The following PRKX variants were observed in gnomAD, a reference collection of about 807,000 sequenced individuals.
The protein encoded by PRKX is cAMP-dependent protein kinase catalytic subunit PRKX.
A neutral mutation model predicts 22.0 loss-of-function variants in PRKX; 12 were observed. That is an observed-to-expected ratio of 0.54 (90% confidence interval 0.35 to 0.88). The LOEUF (loss-of-function observed/expected upper bound fraction) is 0.88. Ranked by LOEUF, PRKX falls within the 40% of genes least tolerant of loss-of-function variation. The pLI is 0.01. For missense variants in PRKX, 217 were observed against 308.0 expected (o/e 0.70, Z 2.21); for synonymous variants, 134 against 137.7 (o/e 0.97, Z 0.19).
intron 5 of PRKX, among the ~76,000 whole-genome samples, chrX:3,624,826 TCCAGGCTGGCCTCAAACTATTGGATTGG>T (rs1430883212): frequency 3.6e-5 from 4 of 110,309 alleles, no homozygotes; most frequent in Non-Finnish European, 5.7e-5. Context: ...TGCTACATTG[TCCAGGCTGGCCTCAAACTATTGGATTGG>T]CCCCAAGCAA....
chrX:3,702,700 T>C (rs1422110250), intron 1 of PRKX, among the ~76,000 whole-genome samples: 3 of 98,379 alleles, frequency 3.0e-5, no homozygotes, highest in Non-Finnish European at 6.1e-5. Context: ...TTTCTTTTTT[T>C]TTTTTTTAAT....
intron 1 of PRKX, among the ~76,000 whole-genome samples, chrX:3,680,130 C>CTGT (rs34465309): frequency 0.03 from 3,197 of 107,895 alleles, 131 homozygotes; most frequent in African/African-American, 0.089. Flanking sequence ...ACATCCTGGC[C>CTGT]TGTTGTTGTT....
At chrX:3,699,579 C>G (rs1603474818) in intron 1 of PRKX, among the ~76,000 whole-genome samples, 1 of 111,569 alleles carries the variant, frequency 9.0e-6, no homozygotes, top group South Asian at 3.7e-4. Context: ...GTCTCAAACT[C>G]CTGACCTCAG....
Position 3,644,351 on chromosome X carries a change from T to C in PRKX, c.600-2380A>G, listed in dbSNP as rs61313693. Among the ~76,000 whole-genome samples the C allele has an allele frequency of 1.8e-4, 16 of 87,011 alleles. No homozygotes were observed. The East Asian group carries it at 5.2e-3, about 28-fold the overall frequency. The allele number at this position is 87,011 out of a possible 115,157, so 75.6% of individuals were successfully genotyped here. On this transcript the variant is annotated intron_variant, in intron 3 of 8. Coordinates refer to ENST00000262848, the MANE Select transcript of PRKX (RefSeq NM_005044.5). ...CAGGAGGTCAACACTGCAGGGAGCA[T>C]GATAGTGTCACTGTACTCCAGCCTG... is the stretch of plus-strand genomic sequence containing the variant.
chrX:3,646,264 C>T (rs1162723942), intron 3 of PRKX, among the ~76,000 whole-genome samples: 1 of 110,404 alleles, frequency 9.1e-6, no homozygotes, highest in East Asian at 2.8e-4. Flanking sequence ...TGCACTCCAG[C>T]CTGGGCAACA....
At chrX:3,610,796 G>C (rs1156690039) in intron 8 of PRKX, among the ~76,000 whole-genome samples, 2 of 111,172 alleles carry the variant, frequency 1.8e-5, no homozygotes, top group Non-Finnish European at 3.8e-5. Flanking sequence ...TTATCAACTA[G>C]GGGTCCTTCA....
chrX:3,668,737 A>G (rs1927787043), intron 2 of PRKX, among the ~76,000 whole-genome samples: 1 of 112,311 alleles, frequency 8.9e-6, no homozygotes, highest in East Asian at 2.8e-4. Flanking sequence ...CTGCTGTGCC[A>G]TAGATAATAT....
At chrX:3,614,240 G>A (rs1926371437) in intron 7 of PRKX, among the ~76,000 whole-genome samples, 1 of 112,577 alleles carries the variant, frequency 8.9e-6, no homozygotes, top group Admixed American at 9.4e-5. Flanking sequence ...GCTCATGCCT[G>A]TAATCCCAGC....
rs758310553 is a variant in PRKX at position 3,671,236 on chromosome X, A to G, written c.335+3362T>C. On this transcript the variant is annotated intron_variant, in intron 2 of 8. Transcript: ENST00000262848. Reference sequence around the variant, plus strand: ...TTTTTAGTAGAGACAGGGTTTCCCCATATTGGCCAGGCTAGAATTTTCTTT... The same window carrying G: ...TTTTTAGTAGAGACAGGGTTTCCCCGTATTGGCCAGGCTAGAATTTTCTTT... Among the ~76,000 whole-genome samples, 14 of 110,386 alleles carry G rather than the reference A, an allele frequency of 1.3e-4. No individual in the cohort carries two copies. In the East Asian group the frequency reaches 4.0e-3, roughly 32 times the overall value.
At chrX:3,645,853 C>A (rs1447513393) in intron 3 of PRKX, among the ~76,000 whole-genome samples, 1 of 112,301 alleles carries the variant, frequency 8.9e-6, no homozygotes, top group Non-Finnish European at 1.9e-5. Context: ...AGGATTGCTT[C>A]AGCCCAGGCA....
chrX:3,709,845 G>A (rs751301747), intron 1 of PRKX, among the ~76,000 whole-genome samples: 2 of 110,249 alleles, frequency 1.8e-5, no homozygotes, highest in Non-Finnish European at 3.8e-5. Context: ...CTGGAGTACG[G>A]TGGCGCGATT....
chrX:3,659,411 T>C (rs1927544107), intron 2 of PRKX: 1 of 111,921 alleles, frequency 8.9e-6, no homozygotes, highest in African/African-American at 3.2e-5. Flanking sequence ...GATTCTGCAA[T>C]GATGCTGGAG....
intron 1 of PRKX, among the ~76,000 whole-genome samples, chrX:3,702,453 C>T (rs1286252099): frequency 9.0e-6 from 1 of 111,272 alleles, no homozygotes; most frequent in Non-Finnish European, 1.9e-5. Context: ...GGGTACCTCC[C>T]CAGTATAACA....
intron 4 of PRKX, among the ~76,000 whole-genome samples, chrX:3,639,607 T>C (rs1927023581): frequency 9.5e-6 from 1 of 105,710 alleles, no homozygotes; most frequent in Non-Finnish European, 1.9e-5. Flanking sequence ...TATATAAACA[T>C]AGATAAATAG....
intron 3 of PRKX, among the ~76,000 whole-genome samples, chrX:3,651,541 T>A (rs1226178319): frequency 8.9e-6 from 1 of 112,063 alleles, no homozygotes; most frequent in East Asian, 2.8e-4. Flanking sequence ...TGTGCCTTAT[T>A]TTTGGAAATG....
chrX:3,712,595 A>C (rs1861244166), intron 1 of PRKX, among the ~76,000 whole-genome samples: 1 of 112,327 alleles, frequency 8.9e-6, no homozygotes, highest in Non-Finnish European at 1.9e-5. Context: ...CCTGTCCCCC[A>C]CAGCCCAGCT....
chrX:3,639,936 G>A (rs1452154135), intron 4 of PRKX, among the ~76,000 whole-genome samples: 1 of 111,308 alleles, frequency 9.0e-6, no homozygotes, highest in East Asian at 2.9e-4. Context: ...ACACCCCCAG[G>A]AACAAGCGCT....
chrX:3,628,715 GAC>G (rs1163754104), intron 4 of PRKX, among the ~76,000 whole-genome samples: 1 of 110,805 alleles, frequency 9.0e-6, no homozygotes, highest in Non-Finnish European at 1.9e-5. Context: ...CAGCCTGGGT[GAC>G]AGAGTGAGAC....
At chrX:3,648,993 T>C (rs1159839213) in intron 3 of PRKX, among the ~76,000 whole-genome samples, 1 of 111,164 alleles carries the variant, frequency 9.0e-6, no homozygotes, top group Non-Finnish European at 1.9e-5. Flanking sequence ...AAAAAAGAGC[T>C]GTTGCAGAGA....
Sources: allele counts gnomAD v4.1 joint callset (sites outside exome capture counted in the v4.1 genomes callset), GRCh38; gene constraint gnomAD v4.1.1; transcripts MANE v1.5; gene names NCBI Gene and HGNC (gene_info 2026-07-23, HGNC 2026-07-21).